Variants in CBR4 observed in about 807,000 individuals in gnomAD.
The protein encoded by CBR4 is 3-oxoacyl-[acyl-carrier-protein] reductase.
Under a neutral mutation model 21.0 loss-of-function variants are expected in CBR4, and 22 were observed. The observed-to-expected ratio is 1.05, with a 90% CI of 0.75 to 1.50. The LOEUF (loss-of-function observed/expected upper bound fraction) is 1.50. Ranked by LOEUF, CBR4 falls within the 40% of genes most tolerant of loss-of-function variation. The pLI, the probability that CBR4 is intolerant of heterozygous loss-of-function variation, is 0.00. For synonymous variants in CBR4, 100 were observed against 104.4 expected, an observed-to-expected ratio of 0.96 and a Z score of 0.26; for missense variants, 302 against 286.3, an observed-to-expected ratio of 1.05 and a Z score of -0.40.
intron 2 of CBR4, among the ~76,000 whole-genome samples, chr4:168,940,712 T>A (rs1644053834): frequency 6.6e-6 from 1 of 152,156 alleles, no homozygotes; most frequent in African/African-American, 2.4e-5. Context: ...ATTAGAGAAA[T>A]GCAAATCAAA....
chr4:168,981,438 C>T (rs974873718), intron 2 of CBR4, among the ~76,000 whole-genome samples: 5 of 152,054 alleles, frequency 3.3e-5, no homozygotes, highest in Non-Finnish European at 7.4e-5. Flanking sequence ...AAGAACCAAA[C>T]TGAGCTGATA....
At chr4:168,924,380 A>G (rs1422609351) in intron 2 of CBR4, 1 of 1,614,042 alleles carries the variant, frequency 6.2e-7, no homozygotes, top group African/African-American at 1.3e-5. Context: ...ATTTTGGAAG[A>G]AAGAAAATGA....
intron 2 of CBR4, among the ~76,000 whole-genome samples, chr4:168,974,441 T>TA (rs903245972): frequency 6.6e-6 from 1 of 152,232 alleles, no homozygotes; most frequent in Non-Finnish European, 1.5e-5. Flanking sequence ...TTCTTGTATT[T>TA]AGATGTCTAG....
At chr4:168,973,600 T>C (rs889945475) in intron 2 of CBR4, among the ~76,000 whole-genome samples, 2 of 152,248 alleles carry the variant, frequency 1.3e-5, no homozygotes, top group African/African-American at 4.8e-5. Flanking sequence ...AGTGCTGGGA[T>C]TACAGGCGTG....
At chr4:168,974,073 C>T (rs1578963783) in intron 2 of CBR4, among the ~76,000 whole-genome samples, 1 of 152,084 alleles carries the variant, frequency 6.6e-6, no homozygotes, top group Non-Finnish European at 1.5e-5. Context: ...GATTTTCTTT[C>T]AAGATTTAGG....
chr4:168,896,720 A>G (rs1169663941), intron 2 of CBR4: 1 of 649,350 alleles, frequency 1.5e-6, no homozygotes, highest in African/African-American at 1.9e-5. Context: ...TGCTATGACC[A>G]GTGTCTGTTT....
chr4:168,988,830 T>C lies in CBR4; in HGVS notation c.*1320A>G, dbSNP rs115662997. On this transcript the variant is annotated 3_prime_UTR_variant, in exon 5 of 5. Coordinates refer to ENST00000306193, the MANE Select transcript of CBR4 (RefSeq NM_032783.5). Reference sequence around the variant, plus strand: ...TTTAGAACACTGCTTTGACTTTTGTTATTACTTTGTATTTATTAGTATATC... The same window carrying C: ...TTTAGAACACTGCTTTGACTTTTGTCATTACTTTGTATTTATTAGTATATC... The C allele has an allele frequency of 1.1e-3, 1,092 of 953,884 alleles. 7 individuals carry two copies. The African/African-American group carries it at 0.017, about 15-fold the overall frequency. 59.1% of individuals were successfully genotyped at this position (953,884 alleles called of 1,614,324 possible). A position where few individuals can be genotyped will look rare whatever the true frequency, so the allele number is the denominator to read the frequency against.
chr4:168,909,347 G>C (rs995603657), intron 2 of CBR4, among the ~76,000 whole-genome samples: 19 of 152,128 alleles, frequency 1.2e-4, no homozygotes, highest in Non-Finnish European at 2.9e-5. Flanking sequence ...CATAAACTAT[G>C]AAATATAAAT....
chr4:168,977,834 A>T (rs896884388), intron 2 of CBR4, among the ~76,000 whole-genome samples: 1 of 152,224 alleles, frequency 6.6e-6, no homozygotes, highest in African/African-American at 2.4e-5. Context: ...TCAGTTCATC[A>T]CAAAGTATTG....
chr4:168,928,321 A>G lies in CBR4; in HGVS notation n.170-33556T>C, dbSNP rs962914167. 55 of 95,476 alleles carry G rather than the reference A, an allele frequency of 5.8e-4. No homozygotes were observed. Among genetic ancestry groups the G allele is most frequent in the Admixed American group, 1.7e-3 (12 of 6,942 alleles). 5.9% of individuals were successfully genotyped at this position (95,476 alleles called of 1,614,324 possible). A position where few individuals can be genotyped will look rare whatever the true frequency, so the allele number is the denominator to read the frequency against. The stretch of plus-strand genomic sequence containing the variant: ...CATTATTTTGCCACCTTTATATTGT[A>G]TTTATAAAAAAAAAAGTACTATCAA... On this transcript the variant is annotated intron_variant and non_coding_transcript_variant, in intron 2 of 3. Transcript: ENST00000509108.
intron 2 of CBR4, among the ~76,000 whole-genome samples, chr4:168,905,801 T>C (rs1013667241): frequency 6.8e-6 from 1 of 147,996 alleles, no homozygotes. Context: ...TTTTTTTTTT[T>C]TTTTTTTTTC....
At chr4:168,958,765 T>C (rs1182517784) in intron 2 of CBR4, among the ~76,000 whole-genome samples, 8 of 152,344 alleles carry the variant, frequency 5.3e-5, no homozygotes, top group South Asian at 2.1e-4. Flanking sequence ...TGGTATCTCA[T>C]TGTGGTTTTA....
chr4:168,921,490 CTGTTT>C (rs756860119), intron 2 of CBR4: 4 of 1,342,596 alleles, frequency 3.0e-6, no homozygotes, highest in Admixed American at 4.0e-5. Context: ...TGATTTCACT[CTGTTT>C]TAATACAAAA....
intron 3 of CBR4, 115 bp downstream of exon 3, chr4:169,006,640 C>T: frequency 1.3e-5 from 13 of 979,298 alleles, no homozygotes; most frequent in Non-Finnish European, 1.5e-5. Context: ...TCCTTTTTTC[C>T]ACAGATAATA....
intron 2 of CBR4, among the ~76,000 whole-genome samples, chr4:168,975,015 T>C (rs1361211121): frequency 6.6e-6 from 1 of 152,160 alleles, no homozygotes; most frequent in Non-Finnish European, 1.5e-5. Context: ...ACTTTTCTGA[T>C]TTCTTCTCAT....
chr4:168,913,701 CA>C (rs932821016), intron 2 of CBR4, among the ~76,000 whole-genome samples: 1 of 151,406 alleles, frequency 6.6e-6, no homozygotes, highest in South Asian at 2.1e-4. Context: ...TTAAGAGTTC[CA>C]AAAAAAGACC....
chr4:168,951,221 G>C (rs1048455856), intron 2 of CBR4, among the ~76,000 whole-genome samples: 8 of 152,180 alleles, frequency 5.3e-5, no homozygotes, highest in African/African-American at 1.9e-4. Context: ...ACCACGCACA[G>C]CTAATTTTTA....
intron 2 of CBR4, among the ~76,000 whole-genome samples, chr4:168,930,613 A>C (rs1762948553): frequency 6.6e-6 from 1 of 152,162 alleles, no homozygotes; most frequent in Non-Finnish European, 1.5e-5. Flanking sequence ...TTAACATTCA[A>C]CTGAAGTGTC....
intron 2 of CBR4, among the ~76,000 whole-genome samples, chr4:168,956,025 G>C (rs190094518): frequency 6.6e-6 from 1 of 152,200 alleles, no homozygotes; most frequent in Non-Finnish European, 1.5e-5. Flanking sequence ...AAATACAATC[G>C]GCACAGCAGC....
Sources: allele counts gnomAD v4.1 joint callset (sites outside exome capture counted in the v4.1 genomes callset), GRCh38; gene constraint gnomAD v4.1.1; transcripts MANE v1.5; gene names NCBI Gene and HGNC (gene_info 2026-07-23, HGNC 2026-07-21).